Variants in NEGR1 observed in about 807,000 individuals in gnomAD.
NEGR1 encodes IgLON family member 4.
In NEGR1, 10 loss-of-function variants were observed where a neutral mutation model predicts 40.9. That is an observed-to-expected ratio of 0.24 (90% CI 0.15 to 0.42). The LOEUF (loss-of-function observed/expected upper bound fraction) is 0.42, where lower values mean the gene tolerates loss of function less well. Ranked by LOEUF, NEGR1 falls within the 10% of genes least tolerant of loss-of-function variation. The probability of loss-of-function intolerance (pLI) is 1.00; values close to 1 mark genes in which losing one functional copy is unlikely to be tolerated. For missense variants in NEGR1, 352 were observed against 438.9 expected (o/e 0.80, Z 1.77); for synonymous variants, 185 against 166.8 (o/e 1.11, Z -0.84).
At chr1:72,164,888 T>C (rs1321866943) in intron 1 of NEGR1, among the ~76,000 whole-genome samples, 1 of 152,116 alleles carries the variant, frequency 6.6e-6, no homozygotes, top group East Asian at 1.9e-4. Context: ...CATTTTTGTA[T>C]GCTAAGTATC....
intron 2 of NEGR1, among the ~76,000 whole-genome samples, chr1:71,806,728 G>A (rs1570372603): frequency 6.6e-6 from 1 of 152,102 alleles, no homozygotes; most frequent in Middle Eastern, 3.4e-3. Context: ...AATTTAAAAA[G>A]TGGGTAGTTA....
chr1:71,505,971 T>A (rs747085656), intron 6 of NEGR1, among the ~76,000 whole-genome samples: 1 of 152,160 alleles, frequency 6.6e-6, no homozygotes, highest in Non-Finnish European at 1.5e-5. Context: ...TTGCAATTTT[T>A]AGAGAAAAAA....
chr1:72,201,064 T>C (rs1017109312), intron 1 of NEGR1, among the ~76,000 whole-genome samples: 4 of 151,752 alleles, frequency 2.6e-5, no homozygotes, highest in Non-Finnish European at 5.9e-5. Context: ...CTCTACTCAC[T>C]TGAAAATCTC....
chr1:71,886,994 C>G (rs1022250226), intron 2 of NEGR1, among the ~76,000 whole-genome samples: 1 of 152,102 alleles, frequency 6.6e-6, no homozygotes, highest in East Asian at 1.9e-4. Flanking sequence ...CTGACTCCCC[C>G]AAAACTTAAC....
chr1:71,484,130 A>C (rs888665746), intron 6 of NEGR1, among the ~76,000 whole-genome samples: 12 of 151,840 alleles, frequency 7.9e-5, no homozygotes, highest in African/African-American at 2.7e-4. Flanking sequence ...CTAGTTTGCA[A>C]ATATCAGCTT....
At chr1:71,923,484 G>C (rs892280693) in intron 2 of NEGR1, among the ~76,000 whole-genome samples, 5 of 152,066 alleles carry the variant, frequency 3.3e-5, no homozygotes, top group African/African-American at 1.2e-4. Context: ...TTTAGAGTGT[G>C]TATATGTGTG....
At chr1:72,106,175 A>T (rs1374703312) in intron 1 of NEGR1, among the ~76,000 whole-genome samples, 1 of 152,114 alleles carries the variant, frequency 6.6e-6, no homozygotes, top group African/African-American at 2.4e-5. Context: ...ACTAACACAG[A>T]GTCAAAAAGA....
At position 72,134,086 on chromosome 1, in the gene NEGR1, C is replaced by T. The variant is rs981974816; in HGVS notation, c.176+148233G>A. Among the ~76,000 whole-genome samples the T allele has an allele frequency of 2.0e-5, 3 of 151,884 alleles. 1 individual carries two copies. Among genetic ancestry groups the T allele is most frequent in the Admixed American group, 2.0e-4 (3 of 15,224 alleles). ...AAAATTTATCAATTGCATTTAAATG[C>T]TTGTTAATTCATCACCTATTCCTCT... On this transcript the variant is annotated intron_variant, in intron 1 of 6. Coordinates refer to ENST00000357731, the MANE Select transcript of NEGR1 (RefSeq NM_173808.3).
chr1:71,805,648 T>C (rs1319930236), intron 2 of NEGR1, among the ~76,000 whole-genome samples: 1 of 152,204 alleles, frequency 6.6e-6, no homozygotes, highest in Non-Finnish European at 1.5e-5. Context: ...GATATTTCAT[T>C]GCAAGCTCAT....
chr1:71,996,264 A>G (rs1049729420), intron 1 of NEGR1, among the ~76,000 whole-genome samples: 2 of 152,166 alleles, frequency 1.3e-5, no homozygotes, highest in African/African-American at 4.8e-5. Context: ...ATAAACAAAT[A>G]TACACATTCA....
At chr1:71,665,690 C>T (rs1422278621) in intron 4 of NEGR1, among the ~76,000 whole-genome samples, 1 of 152,180 alleles carries the variant, frequency 6.6e-6, no homozygotes, top group Non-Finnish European at 1.5e-5. Flanking sequence ...TTCTTTGAAT[C>T]TACACCAGTG....
intron 4 of NEGR1, among the ~76,000 whole-genome samples, chr1:71,683,237 C>A (rs1380012754): frequency 6.6e-6 from 1 of 151,868 alleles, no homozygotes; most frequent in Admixed American, 6.6e-5. Flanking sequence ...AGGTATGGCC[C>A]TTCGTGGGGG....
chr1:71,476,596 C>T (rs1646822356), intron 6 of NEGR1, among the ~76,000 whole-genome samples: 1 of 152,060 alleles, frequency 6.6e-6, no homozygotes, highest in African/African-American at 2.4e-5. Flanking sequence ...TCAGCTGGAC[C>T]TCCTGAGGGT....
intron 1 of NEGR1, among the ~76,000 whole-genome samples, chr1:72,266,688 G>GT (rs1196204351): frequency 7.2e-6 from 1 of 138,168 alleles, no homozygotes; most frequent in Non-Finnish European, 1.6e-5. Context: ...TCTAAAAAAT[G>GT]TACCAAGTGT....
chr1:71,467,373 C>T (rs972980054), intron 6 of NEGR1, among the ~76,000 whole-genome samples: 6 of 151,954 alleles, frequency 3.9e-5, no homozygotes, highest in Non-Finnish European at 8.8e-5. Flanking sequence ...ATGTAATCTG[C>T]GTTATACATG....
intron 1 of NEGR1, among the ~76,000 whole-genome samples, chr1:72,097,441 A>G (rs1303831003): frequency 6.6e-6 from 1 of 152,104 alleles, no homozygotes; most frequent in Non-Finnish European, 1.5e-5. Context: ...CTGCCTCACT[A>G]TTTTCCTCTA....
chr1:71,787,095 G>T (rs1255072687), intron 2 of NEGR1, among the ~76,000 whole-genome samples: 1 of 152,202 alleles, frequency 6.6e-6, no homozygotes, highest in South Asian at 2.1e-4. Context: ...TCATCCCAGT[G>T]AGGCCTCAAA....
At chr1:71,966,848 C>T (rs1181633026) in intron 1 of NEGR1, among the ~76,000 whole-genome samples, 4 of 152,080 alleles carry the variant, frequency 2.6e-5, no homozygotes, top group Admixed American at 2.0e-4. Context: ...AAGTAACATA[C>T]GGTTTGAGAC....
intron 2 of NEGR1, among the ~76,000 whole-genome samples, chr1:71,897,008 C>G (rs1296583684): frequency 1.3e-5 from 2 of 152,156 alleles, no homozygotes; most frequent in Non-Finnish European, 2.9e-5. Flanking sequence ...CTGCTGTATT[C>G]TTAAGCACTG....
Sources: gnomAD v4.1 joint callset for allele counts (sites outside exome capture counted in the v4.1 genomes callset) on GRCh38, gnomAD v4.1.1 for gene constraint, MANE v1.5 for transcripts, NCBI Gene and HGNC (gene_info 2026-07-23, HGNC 2026-07-21) for gene names.